NRXN3: variants seen among roughly 807,000 people sequenced by gnomAD.
The protein encoded by NRXN3 is neurexin 3.
In NRXN3, 32 loss-of-function variants were observed where a neutral mutation model predicts 137.6. That is an observed-to-expected ratio of 0.23 (90% confidence interval 0.18 to 0.31). The LOEUF (loss-of-function observed/expected upper bound fraction) is 0.31, where lower values mean the gene tolerates loss of function less well. Ranked by LOEUF, NRXN3 falls within the 10% of genes least tolerant of loss-of-function variation. NRXN3 has a pLI of 1.00. For missense variants in NRXN3, 1,574 were observed against 2,062.5 expected, an observed-to-expected ratio of 0.76 and a Z score of 4.59; for synonymous variants, 798 against 784.5, an observed-to-expected ratio of 1.02 and a Z score of -0.29.
At chr14:79,012,277 A>G (rs1452043485) in intron 15 of NRXN3, among the ~76,000 whole-genome samples, 1 of 152,134 alleles carries the variant, frequency 6.6e-6, no homozygotes, top group Non-Finnish European at 1.5e-5. Flanking sequence ...TACTGAAGTG[A>G]GTGGGGTGGC....
At chr14:79,726,678 T>C (rs1309577886) in intron 19 of NRXN3, among the ~76,000 whole-genome samples, 1 of 152,134 alleles carries the variant, frequency 6.6e-6, no homozygotes, top group Non-Finnish European at 1.5e-5. Flanking sequence ...ATTTCCCCAG[T>C]TTACAGATTA....
chr14:78,858,708 G>A (rs2099064168), intron 10 of NRXN3, among the ~76,000 whole-genome samples: 1 of 152,112 alleles, frequency 6.6e-6, no homozygotes, highest in Non-Finnish European at 1.5e-5. Context: ...GTGGACTCAG[G>A]TTTCCGGAGG....
At chr14:79,358,242 G>A (rs1363304744) in intron 15 of NRXN3, among the ~76,000 whole-genome samples, 1 of 152,078 alleles carries the variant, frequency 6.6e-6, no homozygotes, top group Non-Finnish European at 1.5e-5. Context: ...AAATTAGGTT[G>A]AGTACACAGA....
intron 15 of NRXN3, among the ~76,000 whole-genome samples, chr14:78,997,285 C>G (rs1396012015): frequency 6.6e-6 from 1 of 151,556 alleles, no homozygotes; most frequent in Non-Finnish European, 1.5e-5. Flanking sequence ...AGTTTGTGGC[C>G]TCAATAATTT....
chr14:79,385,449 C>T (rs1335030664), intron 15 of NRXN3, among the ~76,000 whole-genome samples: 1 of 151,948 alleles, frequency 6.6e-6, no homozygotes, highest in Non-Finnish European at 1.5e-5. Flanking sequence ...TTTCTTAATC[C>T]AGTCTATCAT....
intron 15 of NRXN3, among the ~76,000 whole-genome samples, chr14:79,389,504 C>T (rs1454048866): frequency 6.6e-6 from 1 of 152,190 alleles, no homozygotes; most frequent in Non-Finnish European, 1.5e-5. Flanking sequence ...CCAATACATA[C>T]CTTTATGGAA....
chr14:79,553,293 A>AGAGG (rs1175813920), intron 16 of NRXN3, among the ~76,000 whole-genome samples: 69 of 151,976 alleles, frequency 4.5e-4, no homozygotes, highest in African/African-American at 1.5e-3. Flanking sequence ...AATGGACCAG[A>AGAGG]GAGGGAGGGA....
chr14:79,366,963 A>C (rs372354139), intron 15 of NRXN3, among the ~76,000 whole-genome samples: 6 of 151,898 alleles, frequency 4.0e-5, no homozygotes, highest in African/African-American at 1.4e-4. Flanking sequence ...ATAGAATTAA[A>C]AACTCAGTCC....
At chr14:79,417,687 A>G (rs182163841) in intron 15 of NRXN3, among the ~76,000 whole-genome samples, 1 of 152,200 alleles carries the variant, frequency 6.6e-6, no homozygotes, top group African/African-American at 2.4e-5. Context: ...AAATACTACA[A>G]TAAATCGATT....
chr14:78,599,000 T>G (rs956189428), intron 4 of NRXN3, among the ~76,000 whole-genome samples: 1 of 152,216 alleles, frequency 6.6e-6, no homozygotes, highest in Non-Finnish European at 1.5e-5. Flanking sequence ...TAGTAGGGTC[T>G]TCTTACCCTG....
At chr14:78,325,260 G>A (rs995544688) in intron 4 of NRXN3, among the ~76,000 whole-genome samples, 14 of 151,962 alleles carry the variant, frequency 9.2e-5, no homozygotes, top group African/African-American at 3.4e-4. Context: ...GTGTGGGAAG[G>A]CACCTGAGCC....
chr14:78,579,905 C>T (rs1047149697), intron 4 of NRXN3, among the ~76,000 whole-genome samples: 3 of 152,184 alleles, frequency 2.0e-5, no homozygotes, highest in African/African-American at 4.8e-5. Flanking sequence ...CCTCACTTAA[C>T]CTCTCTATGC....
chr14:79,412,782 C>CAA (rs71103803), intron 15 of NRXN3, among the ~76,000 whole-genome samples: 9,074 of 59,786 alleles, frequency 0.15, 1,263 homozygotes, highest in Middle Eastern at 0.27. Flanking sequence ...GACTCTGTCT[C>CAA]AAAAAAAAAA....
At chr14:79,008,423 T>C (rs1485092404) in intron 15 of NRXN3, among the ~76,000 whole-genome samples, 2 of 152,186 alleles carry the variant, frequency 1.3e-5, no homozygotes, top group Admixed American at 6.5e-5. Flanking sequence ...ACAAGTACTA[T>C]ATGTTAATAT....
rs17109798 is a variant in NRXN3, at chr14:79,728,493, A to G, written c.4014+30556A>G. ...ATTGGCGCTCACCACTTCCAGGGCAACCCTTTATGCAAGCAGTGGGTGCCT... is the reference window on the plus strand; with the variant it reads ...ATTGGCGCTCACCACTTCCAGGGCAGCCCTTTATGCAAGCAGTGGGTGCCT... On this transcript the variant is annotated intron_variant, in intron 19 of 20. Coordinates refer to ENST00000335750, the MANE Select transcript of NRXN3 (RefSeq NM_001330195.2). Among the ~76,000 whole-genome samples the G allele has an allele frequency of 3.9e-3, 594 of 152,262 alleles. 2 individuals are homozygous for G. The highest frequency in any genetic ancestry group is 0.013 in the African/African-American group (544 of 41,558).
At chr14:79,723,190 G>A (rs1201779836) in intron 19 of NRXN3, among the ~76,000 whole-genome samples, 1 of 152,106 alleles carries the variant, frequency 6.6e-6, no homozygotes, top group Admixed American at 6.6e-5. Flanking sequence ...TTTATAGCTA[G>A]ATATAGAACT....
At chr14:79,085,085 T>G (rs1016389722) in intron 15 of NRXN3, among the ~76,000 whole-genome samples, 2 of 152,186 alleles carry the variant, frequency 1.3e-5, no homozygotes, top group African/African-American at 4.8e-5. Context: ...GTTTCCTCTT[T>G]TATCTGCAGC....
chr14:78,467,487 A>G (rs2095142582), intron 4 of NRXN3, among the ~76,000 whole-genome samples: 1 of 152,220 alleles, frequency 6.6e-6, no homozygotes, highest in Non-Finnish European at 1.5e-5. Context: ...ATATAGTACT[A>G]ACTGCTACAG....
chr14:78,250,348 A>G (rs2068415647), intron 2 of NRXN3, among the ~76,000 whole-genome samples: 1 of 152,192 alleles, frequency 6.6e-6, no homozygotes, highest in South Asian at 2.1e-4. Context: ...ACTCTGGGCT[A>G]TTGGTTTCCT....
Sources: allele counts gnomAD v4.1 joint callset (sites outside exome capture counted in the v4.1 genomes callset), GRCh38; gene constraint gnomAD v4.1.1; transcripts MANE v1.5; gene names NCBI Gene and HGNC (gene_info 2026-07-23, HGNC 2026-07-21).